ZDHHC14: variants seen among roughly 807,000 people sequenced by gnomAD.
The protein encoded by ZDHHC14 is palmitoyltransferase ZDHHC14.
In ZDHHC14, 16 loss-of-function variants were observed where a neutral mutation model predicts 47.7. The observed-to-expected ratio is 0.34, with a 90% CI of 0.23 to 0.51. ZDHHC14 has a LOEUF of 0.51. Among genes scored for constraint, ZDHHC14 ranks in the 20% least tolerant of loss-of-function variants. The pLI is 0.97. For missense variants in ZDHHC14, 515 were observed against 662.5 expected (o/e 0.78, Z 2.44); for synonymous variants, 293 against 278.9 (o/e 1.05, Z -0.50).
chr6:157,428,508 G>C (rs1212324003), intron 1 of ZDHHC14, among the ~76,000 whole-genome samples: 2 of 152,030 alleles, frequency 1.3e-5, no homozygotes, highest in African/African-American at 4.8e-5. Context: ...TACATAAAAG[G>C]GTACTGTGAC....
chr6:157,395,218 T>C (rs1326439462), intron 1 of ZDHHC14, among the ~76,000 whole-genome samples: 3 of 151,676 alleles, frequency 2.0e-5, no homozygotes, highest in Non-Finnish European at 4.4e-5. Flanking sequence ...TAGAATGTAG[T>C]GGCATGATCA....
At chr6:157,440,131 C>T (rs1027990843) in intron 1 of ZDHHC14, among the ~76,000 whole-genome samples, 1 of 151,104 alleles carries the variant, frequency 6.6e-6, no homozygotes, top group Admixed American at 6.6e-5. Context: ...ATGTAGCAAA[C>T]CTGCACATCC....
chr6:157,386,055 G>A (rs914959030), intron 1 of ZDHHC14, among the ~76,000 whole-genome samples: 3 of 152,276 alleles, frequency 2.0e-5, no homozygotes, highest in Admixed American at 2.0e-4. Context: ...CACATAGCAA[G>A]GGCTCAATAA....
intron 3 of ZDHHC14, among the ~76,000 whole-genome samples, chr6:157,606,551 G>A (rs1243453396): frequency 6.6e-6 from 1 of 152,240 alleles, no homozygotes; most frequent in Non-Finnish European, 1.5e-5. Context: ...GAAGTATGAT[G>A]GAATGCAGCA....
intron 1 of ZDHHC14, among the ~76,000 whole-genome samples, chr6:157,540,483 A>G (rs920044236): frequency 6.6e-6 from 1 of 152,200 alleles, no homozygotes; most frequent in Non-Finnish European, 1.5e-5. Context: ...AGTCACCCTC[A>G]CAGGAGGGTT....
rs142171957 is a variant in ZDHHC14 at position 157,675,641 on chromosome 6, G to T, written c.*2519G>T. 1.3e-5 allele frequency: 2 copies of T among 152,234 alleles called. No individual in the cohort carries two copies. The highest frequency in any genetic ancestry group is 1.5e-5 in the Non-Finnish European group (1 of 68,048). 9.4% of individuals were successfully genotyped at this position (152,234 alleles called of 1,614,324 possible). A position where few individuals can be genotyped will look rare whatever the true frequency, so the allele number is the denominator to read the frequency against. ...CAGCATCAGAGGAATGAGCGATGAT[G>T]CCCCCTGGGGCGCCCACTTCTGTTT... On this transcript the variant is annotated 3_prime_UTR_variant, in exon 9 of 9. Transcript: ENST00000359775.
chr6:157,562,778 T>A (rs372707787), intron 2 of ZDHHC14, among the ~76,000 whole-genome samples: 5 of 152,120 alleles, frequency 3.3e-5, no homozygotes, highest in African/African-American at 1.2e-4. Flanking sequence ...GCGTTTTATG[T>A]GTGTGAAGTG....
intron 8 of ZDHHC14, among the ~76,000 whole-genome samples, chr6:157,657,267 C>T (rs1025370930): frequency 3.9e-5 from 6 of 152,054 alleles, no homozygotes; most frequent in East Asian, 1.9e-4. Context: ...AGGCTGGTCT[C>T]GAACTCCTGA....
chr6:157,626,899 G>T (rs1019323816), intron 3 of ZDHHC14, among the ~76,000 whole-genome samples: 3 of 145,936 alleles, frequency 2.1e-5, no homozygotes, highest in Non-Finnish European at 3.0e-5. Context: ...CTGGGGGGGG[G>T]GCGGCGGGGG....
At chr6:157,414,552 CTA>C (rs1777936419) in intron 1 of ZDHHC14, among the ~76,000 whole-genome samples, 1 of 152,200 alleles carries the variant, frequency 6.6e-6, no homozygotes, top group Non-Finnish European at 1.5e-5. Flanking sequence ...CAGTATATGA[CTA>C]TGAGATGTTG....
intron 1 of ZDHHC14, among the ~76,000 whole-genome samples, chr6:157,410,038 C>T (rs923139620): frequency 2.6e-5 from 4 of 152,028 alleles, no homozygotes; most frequent in African/African-American, 4.8e-5. Flanking sequence ...ACCATGTTGG[C>T]CAGGCTGGTC....
At chr6:157,558,587 T>C (rs974899624) in intron 2 of ZDHHC14, among the ~76,000 whole-genome samples, 13 of 152,270 alleles carry the variant, frequency 8.5e-5, no homozygotes, top group South Asian at 8.3e-4. Context: ...TAAAGAAAGA[T>C]TGGATTCAGG....
chr6:157,552,887 T>A (rs938668463), intron 2 of ZDHHC14, among the ~76,000 whole-genome samples: 2 of 152,220 alleles, frequency 1.3e-5, no homozygotes, highest in African/African-American at 2.4e-5. Flanking sequence ...TCTGCCAAAC[T>A]ACACACTCAG....
chr6:157,547,496 A>G (rs1211292179), intron 2 of ZDHHC14, among the ~76,000 whole-genome samples: 1 of 151,548 alleles, frequency 6.6e-6, no homozygotes, highest in Non-Finnish European at 1.5e-5. Flanking sequence ...GTTTTGACCC[A>G]CTGATTTGAC....
rs185431056 is a variant in ZDHHC14 at position 157,415,030 on chromosome 6, C to T, written c.245+32764C>T. On this transcript the variant is annotated intron_variant, in intron 1 of 8. Coordinates refer to ENST00000359775, the MANE Select transcript of ZDHHC14 (RefSeq NM_024630.3). ...GAGGATTCAAGGACTTAATGGACCA[C>T]ACTTCCTAGCGAGGACAGTGGGGGG... Among the ~76,000 whole-genome samples, 15 of 152,224 alleles carry T rather than the reference C, an allele frequency of 9.9e-5. No individual in the cohort carries two copies. In the East Asian group the frequency reaches 2.9e-3, roughly 29 times the overall value.
intron 1 of ZDHHC14, among the ~76,000 whole-genome samples, chr6:157,484,826 C>A (rs547551558): frequency 6.6e-6 from 1 of 152,028 alleles, no homozygotes; most frequent in African/African-American, 2.4e-5. Flanking sequence ...TTGAAAACTG[C>A]CTACTAAATT....
intron 2 of ZDHHC14, among the ~76,000 whole-genome samples, chr6:157,591,643 G>A: frequency 6.6e-6 from 1 of 152,086 alleles, no homozygotes; most frequent in Non-Finnish European, 1.5e-5. Context: ...CTAATACAAT[G>A]TCCCACACCA....
At chr6:157,627,304 A>G (rs1785474028) in intron 3 of ZDHHC14, among the ~76,000 whole-genome samples, 1 of 152,218 alleles carries the variant, frequency 6.6e-6, no homozygotes, top group African/African-American at 2.4e-5. Flanking sequence ...ACATAGAGAT[A>G]GATAAAATAT....
chr6:157,578,625 GCAGGAC>G (rs1158131839), intron 2 of ZDHHC14, among the ~76,000 whole-genome samples: 2 of 152,168 alleles, frequency 1.3e-5, no homozygotes, highest in African/African-American at 4.8e-5. Context: ...TGTGTCAAGG[GCAGGAC>G]CAGGTGGAGG....
Sources: gnomAD v4.1 joint callset for allele counts (sites outside exome capture counted in the v4.1 genomes callset) on GRCh38, gnomAD v4.1.1 for gene constraint, MANE v1.5 for transcripts, NCBI Gene and HGNC (gene_info 2026-07-23, HGNC 2026-07-21) for gene names.